SRRD: variants seen among roughly 807,000 people sequenced by gnomAD.
The protein encoded by SRRD is SRR1 domain containing, also known as SRR1-like protein.
SRRD carries 28 observed loss-of-function variants against 30.7 expected under a neutral mutation model. The ratio of observed to expected loss-of-function variants is 0.91; its 90% CI spans 0.68 to 1.25. The LOEUF (loss-of-function observed/expected upper bound fraction) is 1.25. Ranked by LOEUF, SRRD falls within the 50% of genes most tolerant of loss-of-function variation. The pLI is 0.00. For synonymous variants in SRRD, 161 were observed against 159.6 expected (o/e 1.01, Z -0.07); for missense variants, 415 against 417.3 (o/e 0.99, Z 0.05).
intron 5 of SRRD, chr22:26,490,751 A>AT (rs1293145808): frequency 1.1e-5 from 4 of 373,642 alleles, no homozygotes; most frequent in African/African-American, 8.4e-5. Flanking sequence ...TTTAGTAGAG[A>AT]TGGGGTTTTA....
rs1373349635 is a variant in SRRD, at chr22:26,493,934, CCT to C, written c.*2266_*2267del. The stretch of plus-strand genomic sequence containing the variant: ...TCAGTCTCCACTCAGGGAAGATGCC[CCT>C]CTCAGTCATGGTAGACCTGGGCAGT... On this transcript the variant is annotated 3_prime_UTR_variant, in exon 7 of 7. Coordinates refer to ENST00000215917, the MANE Select transcript of SRRD (RefSeq NM_001013694.3). The C allele has an allele frequency of 1.3e-5, 7 of 559,964 alleles. No individual in the cohort carries two copies. Among genetic ancestry groups the C allele is most frequent in the Non-Finnish European group, 1.9e-5 (6 of 315,930 alleles). 34.7% of individuals were successfully genotyped at this position (559,964 alleles called of 1,614,324 possible).
chr22:26,484,255 T>C (rs2091639649), intron 1 of SRRD, among the ~76,000 whole-genome samples, 156 bp downstream of exon 1: 1 of 152,206 alleles, frequency 6.6e-6, no homozygotes, highest in Non-Finnish European at 1.5e-5. Flanking sequence ...ATGTGGATTA[T>C]AGTAAGCGCT....
chr22:26,490,242 GC>G, intron 5 of SRRD, 44 bp downstream of exon 5: 1 of 1,404,436 alleles, frequency 7.1e-7, no homozygotes, highest in Non-Finnish European at 1.0e-6. Context: ...CTGAGGTGAA[GC>G]CCATACCTCA....
At chr22:26,489,278 G>C (rs991942231) in intron 4 of SRRD, among the ~76,000 whole-genome samples, 3 of 152,096 alleles carry the variant, frequency 2.0e-5, no homozygotes, top group Non-Finnish European at 4.4e-5. Context: ...CAAGAAAAAT[G>C]GGAGCCAGTC....
Position 26,491,684 on chromosome 22 carries a change from G to A in SRRD, c.*12G>A, listed in dbSNP as rs755727393. The stretch of plus-strand genomic sequence containing the variant: ...CTGCTACTGACTGAACTCGTTGTGA[G>A]GTACTCAGTGTTGGCTGAGGTAGAA... On this transcript the variant is annotated 3_prime_UTR_variant, in exon 7 of 7. Coordinates refer to ENST00000215917, the MANE Select transcript of SRRD (RefSeq NM_001013694.3). 49 of 1,605,238 alleles carry A rather than the reference G, an allele frequency of 3.1e-5. No homozygotes were observed. Among genetic ancestry groups the A allele is most frequent in the Non-Finnish European group, 4.2e-5 (49 of 1,179,048 alleles).
rs777939120 is a variant in SRRD at position 26,488,022 on chromosome 22, C to G, written c.251-7C>G. 1.2e-6 allele frequency: 2 copies of G among 1,601,856 alleles called. No individual in the cohort carries two copies. The highest frequency in any genetic ancestry group is 1.7e-5 in the Admixed American group (1 of 58,780). ...CTCTAACTGCATTTGGGGGCCTGCT[C>G]TTTCAGAAACCATCAATAGATGTCT... is the stretch of plus-strand genomic sequence containing the variant. On this transcript the variant is annotated splice_polypyrimidine_tract_variant and splice_region_variant and intron_variant, in intron 2 of 6. Transcript: ENST00000215917.
Position 26,483,968 on chromosome 22 carries a change from G to T in SRRD, c.78G>T (p.Arg26=). Residue 26 remains arginine (R), a synonymous_variant, in exon 1 of 7, where the codon CGG becomes CGT. Transcript: ENST00000215917. ...GGAAGAGGCGCTCCGCGGCTCGACG[G>T]CCGCGGCGGAGGGAGGCGGCGCCCC... ...APRKRRSAAR[R]PRRREAAPRG... is the part of the protein sequence containing the mutation. 1.5e-6 allele frequency: 2 copies of T among 1,368,292 alleles called. No homozygotes were observed. The highest frequency in any genetic ancestry group is 1.9e-6 in the Non-Finnish European group (2 of 1,070,402). The allele number at this position is 1,368,292 out of a possible 1,614,324, so 84.8% of individuals were successfully genotyped here.
chr22:26,492,232 G>C lies in SRRD; in HGVS notation c.*560G>C, dbSNP rs754504467. 1.2e-6 allele frequency: 2 copies of C among 1,614,180 alleles called. No homozygotes were observed. Among genetic ancestry groups the C allele is most frequent in the Non-Finnish European group, 1.7e-6 (2 of 1,180,032 alleles). ...TAAAGTTCATGGGCACAGAGCTAGC[G>C]GCCACGCCAATGCCCCTCTGAGCCA... On this transcript the variant is annotated 3_prime_UTR_variant, in exon 7 of 7. Transcript: ENST00000215917.
rs1282834560 is a variant in SRRD at position 26,483,944 on chromosome 22, G to A, written c.54G>A (p.Arg18=). Residue 18 remains arginine, a synonymous_variant, in exon 1 of 7, where the codon CGG becomes CGA. Coordinates refer to ENST00000215917, the MANE Select transcript of SRRD (RefSeq NM_001013694.3). ...AATCCTGGCAGGCGGCGGCTCCGCGGAAGAGGCGCTCCGCGGCTCGACGGC... is the reference window on the plus strand; with the variant it reads ...AATCCTGGCAGGCGGCGGCTCCGCGAAAGAGGCGCTCCGCGGCTCGACGGC... ...ALESWQAAAP[R]KRRSAARRPR... 1.5e-6 allele frequency: 2 copies of A among 1,358,300 alleles called. No individual in the cohort carries two copies. Among genetic ancestry groups the A allele is most frequent in the Non-Finnish European group, 9.4e-7 (1 of 1,066,718 alleles). The allele number at this position is 1,358,300 out of a possible 1,614,324, so 84.1% of individuals were successfully genotyped here. A position where few individuals can be genotyped will look rare whatever the true frequency, so the allele number is the denominator to read the frequency against.
chr22:26,491,551 T>G lies in SRRD; in HGVS notation c.899T>G (p.Val300Gly), dbSNP rs752027040. The G allele has an allele frequency of 1.7e-5, 27 of 1,614,092 alleles. No individual in the cohort carries two copies. Among genetic ancestry groups the G allele is most frequent in the Non-Finnish European group, 8.5e-6 (10 of 1,180,028 alleles). ...FNDTSVHWFPVQKLEQLSIDI... is the reference protein window; with the variant it reads ...FNDTSVHWFPGQKLEQLSIDI... ...GATACCTCTGTCCACTGGTTCCCTG[T>G]GCAAAAGCTAGAACAGCTCTCCATA... Residue 300 changes from valine (V) to glycine (G), a missense_variant, in exon 7 of 7, where the codon GTG becomes GGG. Coordinates refer to ENST00000215917, the MANE Select transcript of SRRD (RefSeq NM_001013694.3).
intron 2 of SRRD, among the ~76,000 whole-genome samples, chr22:26,486,281 G>A (rs758640643): frequency 4.6e-5 from 7 of 152,174 alleles, no homozygotes; most frequent in Non-Finnish European, 7.3e-5. Context: ...AATTGAAGCT[G>A]TTTAGTTAAA....
At chr22:26,485,124 C>CA (rs1202581989) in intron 1 of SRRD, among the ~76,000 whole-genome samples, 1 of 152,176 alleles carries the variant, frequency 6.6e-6, no homozygotes, top group African/African-American at 2.4e-5. Context: ...TTGGAAAACT[C>CA]AAGGCATTTT....
chr22:26,491,863 A>G lies in SRRD; in HGVS notation c.*191A>G, dbSNP rs1045523. On this transcript the variant is annotated 3_prime_UTR_variant, in exon 7 of 7. Coordinates refer to ENST00000215917, the MANE Select transcript of SRRD (RefSeq NM_001013694.3). ...TTCCTGCCCTACGTGGCATTGTCCC[A>G]TTTTACATCCTTCCCTCATGACCTG... 0.89 allele frequency: 891,499 copies of G among 1,001,438 alleles called. 398,235 individuals are homozygous for G. Among genetic ancestry groups the G allele is most frequent in the South Asian group, 0.91 (54,297 of 59,386 alleles). 62.0% of individuals were successfully genotyped at this position (1,001,438 alleles called of 1,614,324 possible).
chr22:26,491,081 G>A lies in SRRD; in HGVS notation c.810+11G>A, dbSNP rs1921111263. On this transcript the variant is annotated intron_variant, in intron 6 of 6. Transcript: ENST00000215917. ...CCCTACATTGCAAAGGTATCTATCT[G>A]AATAAAGGGGCTGGGATGGAAAAGG... 6 of 1,610,476 alleles carry A rather than the reference G, an allele frequency of 3.7e-6. No individual in the cohort carries two copies. Among genetic ancestry groups the A allele is most frequent in the Non-Finnish European group, 5.1e-6 (6 of 1,178,362 alleles).
At position 26,488,279 on chromosome 22, in the gene SRRD, A is replaced by G; in HGVS notation, c.501A>G (p.Glu167=). Residue 167 remains glutamate (E), a synonymous_variant, in exon 3 of 7, where the codon GAA becomes GAG. Transcript: ENST00000215917. ...NQLTFLLLLL[E]KCQIPRSHCW... is the part of the protein sequence containing the mutation. ...TAACGTTTTTGCTGCTTTTGTTGGA[A>G]AAGTGCCAGGTACATTTTTGGATTC... 1 of 1,613,878 alleles carries G rather than the reference A, an allele frequency of 6.2e-7. No homozygotes were observed. The highest frequency in any genetic ancestry group is 8.5e-7 in the Non-Finnish European group (1 of 1,179,778).
In SRRD at chr22:26,486,003, G is replaced by T; in HGVS notation, c.210-20G>T. On this transcript the variant is annotated intron_variant, in intron 1 of 6. Coordinates refer to ENST00000215917, the MANE Select transcript of SRRD (RefSeq NM_001013694.3). ...CCTGAGATGGGTGGGACATGACTGT[G>T]CCATTTTTTTTCTCAACAGGAAGGA... 1 of 1,614,170 alleles carries T rather than the reference G, an allele frequency of 6.2e-7. No homozygotes were observed. The highest frequency in any genetic ancestry group is 8.5e-7 in the Non-Finnish European group (1 of 1,180,004).
chr22:26,490,916 C>T (rs1921083217), intron 5 of SRRD, 109 bp from the exon 6 acceptor site: 6 of 989,076 alleles, frequency 6.1e-6, no homozygotes, highest in Middle Eastern at 2.2e-4. Context: ...TCTTACTATG[C>T]TTCAATCATC....
chr22:26,494,442 A>G lies in SRRD; in HGVS notation c.*2770A>G. On this transcript the variant is annotated 3_prime_UTR_variant, in exon 7 of 7. Coordinates refer to ENST00000215917, the MANE Select transcript of SRRD (RefSeq NM_001013694.3). ...TTACAGGGATTTATAGTAGCTAAAC[A>G]GTCTAGCACTTATGAATATGGATTT... 5.8e-6 allele frequency: 6 copies of G among 1,026,576 alleles called. No individual in the cohort carries two copies. The South Asian group carries it at 7.4e-5, about 13-fold the overall frequency. The allele number at this position is 1,026,576 out of a possible 1,614,324, so 63.6% of individuals were successfully genotyped here. A position where few individuals can be genotyped will look rare whatever the true frequency, so the allele number is the denominator to read the frequency against.
chr22:26,486,015 C>G lies in SRRD; in HGVS notation c.210-8C>G, dbSNP rs1297520061. On this transcript the variant is annotated splice_region_variant and splice_polypyrimidine_tract_variant and intron_variant, in intron 1 of 6. Transcript: ENST00000215917. ...GGGACATGACTGTGCCATTTTTTTTCTCAACAGGAAGGACCTGTTTATCTC... is the reference window on the plus strand; with the variant it reads ...GGGACATGACTGTGCCATTTTTTTTGTCAACAGGAAGGACCTGTTTATCTC... 1 of 1,613,788 alleles carries G rather than the reference C, an allele frequency of 6.2e-7. No homozygotes were observed. Among genetic ancestry groups the G allele is most frequent in the South Asian group, 1.1e-5 (1 of 91,060 alleles).
Sources: gnomAD v4.1 joint callset for allele counts (sites outside exome capture counted in the v4.1 genomes callset) on GRCh38, gnomAD v4.1.1 for gene constraint, MANE v1.5 for transcripts, NCBI Gene and HGNC (gene_info 2026-07-23, HGNC 2026-07-21) for gene names.